Variants in MCTP2 observed in about 807,000 individuals in gnomAD.
The protein encoded by MCTP2 is multiple C2 and transmembrane domain containing 2, also known as multiple C2 and transmembrane domain-containing protein 2.
In MCTP2, 132 loss-of-function variants were observed where a neutral mutation model predicts 111.6. That is an observed-to-expected ratio of 1.18 (90% CI 1.03 to 1.37). The LOEUF is 1.37. Among genes scored for constraint, MCTP2 ranks in the 40% most tolerant of loss-of-function variants. The pLI is 0.00. For missense variants in MCTP2, 1,183 were observed against 1,067.9 expected, an observed-to-expected ratio of 1.11 and a Z score of -1.50; for synonymous variants, 395 against 387.7, an observed-to-expected ratio of 1.02 and a Z score of -0.22.
intron 18 of MCTP2, among the ~76,000 whole-genome samples, chr15:94,440,714 G>A (rs2083732071): frequency 6.6e-6 from 1 of 152,172 alleles, no homozygotes; most frequent in African/African-American, 2.4e-5. Flanking sequence ...CTTATGCAAT[G>A]TTCTCTCTGG....
chr15:94,389,162 T>C (rs980685767), intron 14 of MCTP2, among the ~76,000 whole-genome samples: 1 of 151,114 alleles, frequency 6.6e-6, no homozygotes, highest in African/African-American at 2.4e-5. Flanking sequence ...GAGTTTGAGC[T>C]GGGTCAGGGG....
At chr15:94,416,317 C>T (rs139880801) in intron 17 of MCTP2, among the ~76,000 whole-genome samples, 11 of 152,000 alleles carry the variant, frequency 7.2e-5, no homozygotes, top group South Asian at 2.1e-4. Flanking sequence ...TTTCGGCTGA[C>T]GGCACTGTAT....
At chr15:94,417,026 A>C (rs2082408730) in intron 17 of MCTP2, among the ~76,000 whole-genome samples, 1 of 152,168 alleles carries the variant, frequency 6.6e-6, no homozygotes, top group Non-Finnish European at 1.5e-5. Flanking sequence ...ATTGTTTAGA[A>C]GGGGGCTGCT....
chr15:94,402,159 C>T (rs2081629525), intron 17 of MCTP2, 140 bp downstream of exon 17: 5 of 1,317,838 alleles, frequency 3.8e-6, no homozygotes, highest in Non-Finnish European at 5.1e-6. Flanking sequence ...CTGGGAAACC[C>T]CTTAAATTAC....
At chr15:94,452,384 T>C (rs969844973) in intron 19 of MCTP2, among the ~76,000 whole-genome samples, 1 of 152,170 alleles carries the variant, frequency 6.6e-6, no homozygotes, top group Non-Finnish European at 1.5e-5. Context: ...GTAGTCAGCA[T>C]AGACTGGAAT....
chr15:94,330,519 T>C (rs567501549), intron 4 of MCTP2, among the ~76,000 whole-genome samples: 2 of 152,274 alleles, frequency 1.3e-5, no homozygotes, highest in South Asian at 4.1e-4. Flanking sequence ...CTTATTTTTT[T>C]TTCTCCTCTA....
intron 8 of MCTP2, among the ~76,000 whole-genome samples, chr15:94,350,464 G>A (rs1040625900): frequency 7.9e-5 from 12 of 152,174 alleles, no homozygotes; most frequent in Non-Finnish European, 1.8e-4. Flanking sequence ...AAGCTACTTG[G>A]GAGGCTGAGG....
chr15:94,253,702 A>C (rs1332519657), intron 1 of MCTP2, among the ~76,000 whole-genome samples: 1 of 151,624 alleles, frequency 6.6e-6, no homozygotes, highest in Non-Finnish European at 1.5e-5. Flanking sequence ...GAACTAAAGG[A>C]TACTGTAATA....
At chr15:94,402,043 A>G in intron 17 of MCTP2, 24 bp downstream of exon 17, 1 of 1,606,476 alleles carries the variant, frequency 6.2e-7, no homozygotes, top group Non-Finnish European at 8.5e-7. Flanking sequence ...CTTATGTTCA[A>G]ACTATTTGCT....
chr15:94,243,523 A>G (rs1296138414), intron 1 of MCTP2, among the ~76,000 whole-genome samples: 1 of 141,050 alleles, frequency 7.1e-6, no homozygotes, highest in African/African-American at 2.6e-5. Flanking sequence ...ATGCGTATGT[A>G]CACACATACG....
rs562867397 is a variant in MCTP2 at position 94,482,816 on chromosome 15, T to C, written c.*3782T>C. The C allele has an allele frequency of 2.0e-5, 3 of 152,346 alleles. No individual in the cohort carries two copies. The highest frequency in any genetic ancestry group is 7.2e-5 in the African/African-American group (3 of 41,570). 9.4% of individuals were successfully genotyped at this position (152,346 alleles called of 1,614,324 possible). A position where few individuals can be genotyped will look rare whatever the true frequency, so the allele number is the denominator to read the frequency against. On this transcript the variant is annotated 3_prime_UTR_variant, in exon 23 of 23. Transcript: ENST00000357742. ...ATACAGAGGAGAAAAACAGTAAGCA[T>C]GGACTGTCCTAGAATTCAGTGGCAG...
intron 2 of MCTP2, 85 bp downstream of exon 2, chr15:94,298,815 TCTCTCTTCCCCCCTCCCCCTCC>T (rs1311603516): frequency 1.1e-5 from 7 of 647,354 alleles, no homozygotes; most frequent in African/African-American, 7.8e-5. Context: ...CCCATCTCCC[TCTCTCTTCCCCCCTCCCCCTCC>T]CTCTCTCTTC....
chr15:94,385,407 G>A lies in MCTP2; in HGVS notation c.1686-16G>A. On this transcript the variant is annotated splice_polypyrimidine_tract_variant and intron_variant, in intron 13 of 22. Transcript: ENST00000357742. Reference sequence around the variant, plus strand: ...TTGTGTGTTTTTGTGTATAATACATGGTATTTTTGTTACAGTCCCATTAAA... The same window carrying A: ...TTGTGTGTTTTTGTGTATAATACATAGTATTTTTGTTACAGTCCCATTAAA... The A allele has an allele frequency of 6.5e-7, 1 of 1,540,924 alleles. No individual in the cohort carries two copies. Among genetic ancestry groups the A allele is most frequent in the African/African-American group, 1.4e-5 (1 of 73,450 alleles).
intron 1 of MCTP2, among the ~76,000 whole-genome samples, chr15:94,284,476 A>G (rs763671577): frequency 2.0e-5 from 3 of 152,232 alleles, no homozygotes; most frequent in East Asian, 1.9e-4. Flanking sequence ...CCATAATGCA[A>G]TCCTATACAA....
At chr15:94,283,116 C>G (rs1209110665) in intron 1 of MCTP2, among the ~76,000 whole-genome samples, 1 of 152,138 alleles carries the variant, frequency 6.6e-6, no homozygotes, top group Non-Finnish European at 1.5e-5. Context: ...CAAAAGTACT[C>G]TGACAGGTAG....
At chr15:94,466,153 C>A (rs2073267058) in intron 20 of MCTP2, among the ~76,000 whole-genome samples, 1 of 152,054 alleles carries the variant, frequency 6.6e-6, no homozygotes, top group South Asian at 2.1e-4. Context: ...TCAAGCATCT[C>A]TTACATGATT....
At chr15:94,437,155 C>CAAAAAAAA (rs11352999) in intron 17 of MCTP2, among the ~76,000 whole-genome samples, 3 of 69,558 alleles carry the variant, frequency 4.3e-5, no homozygotes, top group Non-Finnish European at 5.7e-5. Context: ...CTTACACATC[C>CAAAAAAAA]AAAAAAAAAA....
chr15:94,321,136 A>G lies in MCTP2; in HGVS notation c.637+5499A>G, dbSNP rs559389476. On this transcript the variant is annotated intron_variant, in intron 4 of 22. Transcript: ENST00000357742. Reference sequence around the variant, plus strand: ...TTGATCCGTGGAGACAGAGAGGAGAATGCTTACTACCAGAGGCTGGGAAGG... The same window carrying G: ...TTGATCCGTGGAGACAGAGAGGAGAGTGCTTACTACCAGAGGCTGGGAAGG... 4.6e-5 allele frequency among the ~76,000 whole-genome samples: 7 copies of G among 152,336 alleles called. No individual in the cohort carries two copies. The South Asian group carries it at 6.2e-4, about 14-fold the overall frequency.
At chr15:94,408,132 C>T (rs1370037775) in intron 17 of MCTP2, among the ~76,000 whole-genome samples, 11 of 152,150 alleles carry the variant, frequency 7.2e-5, no homozygotes, top group Admixed American at 7.2e-4. Flanking sequence ...CGAAATGCAC[C>T]TGCATTTCAT....
Sources: gnomAD v4.1 joint callset for allele counts (sites outside exome capture counted in the v4.1 genomes callset) on GRCh38, gnomAD v4.1.1 for gene constraint, MANE v1.5 for transcripts, NCBI Gene and HGNC (gene_info 2026-07-23, HGNC 2026-07-21) for gene names.